Variants in NKAIN2 observed in about 807,000 individuals in gnomAD.
NKAIN2 encodes the protein sodium/potassium-transporting ATPase subunit beta-1-interacting protein 2.
NKAIN2 carries 14 observed loss-of-function variants against 32.6 expected under a neutral mutation model. The observed-to-expected ratio is 0.43, with a 90% CI of 0.28 to 0.67. The LOEUF is 0.67. Among genes scored for constraint, NKAIN2 ranks in the 30% least tolerant of loss-of-function variants. The pLI is 0.17. For synonymous variants in NKAIN2, 80 were observed against 87.2 expected (o/e 0.92, Z 0.46); for missense variants, 198 against 258.3 (o/e 0.77, Z 1.60).
chr6:124,104,505 T>A (rs936454779), intron 1 of NKAIN2, among the ~76,000 whole-genome samples: 2 of 152,230 alleles, frequency 1.3e-5, no homozygotes, highest in African/African-American at 4.8e-5. Context: ...TATGGACTTT[T>A]TAATTTTCAT....
At chr6:124,254,553 GT>G (rs1212584719) in intron 1 of NKAIN2, among the ~76,000 whole-genome samples, 1 of 152,052 alleles carries the variant, frequency 6.6e-6, no homozygotes, top group East Asian at 1.9e-4. Flanking sequence ...AATAATGGGA[GT>G]TTTCCACAAA....
chr6:124,499,538 CT>C, intron 3 of NKAIN2, among the ~76,000 whole-genome samples: 1 of 152,246 alleles, frequency 6.6e-6, no homozygotes, highest in East Asian at 1.9e-4. Flanking sequence ...CATAGGTCAG[CT>C]CACACCTATT....
At chr6:124,487,865 T>A (rs948701563) in intron 3 of NKAIN2, among the ~76,000 whole-genome samples, 1 of 152,104 alleles carries the variant, frequency 6.6e-6, no homozygotes, top group Non-Finnish European at 1.5e-5. Flanking sequence ...ATCTTCTCCA[T>A]AGGTCCATTT....
At chr6:124,578,243 T>C (rs1048173761) in intron 3 of NKAIN2, among the ~76,000 whole-genome samples, 1 of 151,896 alleles carries the variant, frequency 6.6e-6, no homozygotes, top group African/African-American at 2.4e-5. Flanking sequence ...CACAGTTAGG[T>C]AGAGTACCAA....
intron 1 of NKAIN2, among the ~76,000 whole-genome samples, chr6:123,828,213 C>G (rs953514479): frequency 1.1e-4 from 16 of 152,060 alleles, no homozygotes; most frequent in African/African-American, 3.9e-4. Flanking sequence ...AAGCAGTAAG[C>G]TTCTTGAGGG....
chr6:123,961,644 C>A (rs1255838002), intron 1 of NKAIN2, among the ~76,000 whole-genome samples: 1 of 152,148 alleles, frequency 6.6e-6, no homozygotes, highest in Non-Finnish European at 1.5e-5. Flanking sequence ...GAGATAATGG[C>A]TTGAACCGAA....
intron 1 of NKAIN2, among the ~76,000 whole-genome samples, chr6:124,095,613 T>G (rs990202055): frequency 4.6e-5 from 7 of 152,194 alleles, no homozygotes; most frequent in African/African-American, 1.7e-4. Context: ...TTCTGCATAA[T>G]TTTGATGAAA....
At chr6:124,794,960 G>A in intron 5 of NKAIN2, 2 of 372,558 alleles carry the variant, frequency 5.4e-6, no homozygotes, top group Non-Finnish European at 7.4e-6. Flanking sequence ...TTGGGTGAAA[G>A]GTTAAAATAA....
intron 3 of NKAIN2, among the ~76,000 whole-genome samples, chr6:124,421,490 G>T (rs997544542): frequency 6.6e-6 from 1 of 152,124 alleles, no homozygotes; most frequent in Non-Finnish European, 1.5e-5. Context: ...CTTTTGTGTT[G>T]AATCAAACTT....
chr6:123,880,045 G>A (rs547497258), intron 1 of NKAIN2, among the ~76,000 whole-genome samples: 3 of 152,220 alleles, frequency 2.0e-5, no homozygotes, highest in East Asian at 3.9e-4. Context: ...CAAGTTCAAA[G>A]GTTTTTACTT....
intron 1 of NKAIN2, among the ~76,000 whole-genome samples, chr6:123,813,696 C>T (rs909669976): frequency 6.6e-6 from 1 of 152,030 alleles, no homozygotes; most frequent in Non-Finnish European, 1.5e-5. Context: ...CCTGTAGTCT[C>T]AGCTACTCTG....
intron 1 of NKAIN2, among the ~76,000 whole-genome samples, chr6:123,924,062 A>T (rs1273375928): frequency 1.3e-5 from 2 of 152,110 alleles, no homozygotes; most frequent in Non-Finnish European, 2.9e-5. Context: ...TGGTTTAAAT[A>T]TAGAAGTACC....
intron 4 of NKAIN2, among the ~76,000 whole-genome samples, chr6:124,721,261 G>A (rs6941699): frequency 0.39 from 58,514 of 151,686 alleles, 11,454 homozygotes; most frequent in Non-Finnish European, 0.39. Flanking sequence ...AAAATTAGCC[G>A]GGCGCAGTGG....
At chr6:124,530,727 G>T (rs1779493707) in intron 3 of NKAIN2, among the ~76,000 whole-genome samples, 1 of 152,194 alleles carries the variant, frequency 6.6e-6, no homozygotes, top group African/African-American at 2.4e-5. Flanking sequence ...GGTGGGAGCT[G>T]CCGTATAACT....
At chr6:124,453,983 A>T (rs1014289647) in intron 3 of NKAIN2, among the ~76,000 whole-genome samples, 5 of 152,096 alleles carry the variant, frequency 3.3e-5, no homozygotes, top group Non-Finnish European at 7.4e-5. Flanking sequence ...AATCCTGATC[A>T]AAGTTATTCA....
intron 3 of NKAIN2, among the ~76,000 whole-genome samples, chr6:124,371,683 G>A (rs1244021396): frequency 1.9e-5 from 2 of 104,088 alleles, no homozygotes; most frequent in African/African-American, 3.8e-5. Context: ...GAGAGAGCAA[G>A]ACTCTGTCTC....
chr6:124,635,170 T>C (rs1252985025), intron 3 of NKAIN2, among the ~76,000 whole-genome samples: 2 of 151,852 alleles, frequency 1.3e-5, no homozygotes, highest in African/African-American at 4.8e-5. Flanking sequence ...GTTAAAGTTT[T>C]ACTCAGAGAA....
At chr6:124,249,172 G>A (rs1216365050) in intron 1 of NKAIN2, among the ~76,000 whole-genome samples, 1 of 152,118 alleles carries the variant, frequency 6.6e-6, no homozygotes, top group Non-Finnish European at 1.5e-5. Context: ...GTGTTACTAT[G>A]TAGCCACAAT....
intron 5 of NKAIN2, among the ~76,000 whole-genome samples, chr6:124,807,667 C>T (rs1371901296): frequency 1.3e-5 from 2 of 149,282 alleles, no homozygotes; most frequent in Non-Finnish European, 3.0e-5. Flanking sequence ...AATAGAGACA[C>T]AAAAAACCCT....
Sources: gnomAD v4.1 joint callset for allele counts (sites outside exome capture counted in the v4.1 genomes callset) on GRCh38, gnomAD v4.1.1 for gene constraint, MANE v1.5 for transcripts, NCBI Gene and HGNC (gene_info 2026-07-23, HGNC 2026-07-21) for gene names.